The following MMUT variants were observed in gnomAD, a reference collection of about 807,000 sequenced individuals.
The protein encoded by MMUT is methylmalonyl-CoA mutase, mitochondrial.
In MMUT, 79 loss-of-function variants were observed where a neutral mutation model predicts 79.9. The observed-to-expected ratio is 0.99, with a 90% CI of 0.82 to 1.19. MMUT has a LOEUF of 1.19. Ranked by LOEUF, MMUT falls within the 50% of genes most tolerant of loss-of-function variation. The probability of loss-of-function intolerance (pLI) is 0.00; values close to 1 mark genes in which losing one functional copy is unlikely to be tolerated. For synonymous variants in MMUT, 273 were observed against 295.7 expected, an observed-to-expected ratio of 0.92 and a Z score of 0.79; for missense variants, 860 against 917.2, an observed-to-expected ratio of 0.94 and a Z score of 0.81.
At position 49,459,176 on chromosome 6, in the gene MMUT, A is replaced by G. The variant is rs752530461; in HGVS notation, c.291T>C (p.Pro97=). The G allele has an allele frequency of 1.5e-5, 25 of 1,614,080 alleles. No homozygotes were observed. In the South Asian group the frequency reaches 2.7e-4, roughly 18 times the overall value. ...TCCAGGGCCTAAAGGTATACATGGT[A>G]GGATATGGTCCACGTGTGAATGGCT... ...GVKPFTRGPY[P]TMYTFRPWTI... Residue 97 remains proline, a synonymous_variant, in exon 2 of 13, where the codon CCT becomes CCC. Transcript: ENST00000274813.
chr6:49,444,672 A>G lies in MMUT; in HGVS notation c.1643T>C (p.Ile548Thr). Residue 548 changes from isoleucine (I) to threonine (T), a missense_variant, in exon 9 of 13, where the codon ATC becomes ACC. Physicochemically the swap from Ile to Thr is moderately conservative, Grantham distance 89. Coordinates refer to ENST00000274813, the MANE Select transcript of MMUT (RefSeq NM_000255.4). ...AGATGCATCCACTGCAAGAGCCAGG[A>G]TATTTCCATCTCCGCTAGCAGCACA... ...TECAASGDGN[I>T]LALAVDASRA... is the part of the protein sequence containing the mutation. 2 of 1,613,432 alleles carry G rather than the reference A, an allele frequency of 1.2e-6. No individual in the cohort carries two copies. Among genetic ancestry groups the G allele is most frequent in the African/African-American group, 1.3e-5 (1 of 75,002 alleles).
At position 49,451,594 on chromosome 6, in the gene MMUT, C is replaced by T; in HGVS notation, c.1204G>A (p.Ala402Thr). 2 of 1,614,100 alleles carry T rather than the reference C, an allele frequency of 1.2e-6. No individual in the cohort carries two copies. The highest frequency in any genetic ancestry group is 1.7e-6 in the Non-Finnish European group (2 of 1,180,006). The part of the protein sequence containing the change: ...EALGLPTVKS[A>T]RIARNTQIII... The stretch of plus-strand genomic sequence containing the variant: ...ATTTGTGTGTTCCTGGCAATTCGAG[C>T]ACTTTTCACAGTTGGCAAACCCAAA... The change falls in exon 6 of 13, where the codon GCT becomes ACT. Residue 402 changes from alanine (A) to threonine (T), a missense_variant. Physicochemically the swap from Ala to Thr is moderately conservative, Grantham distance 58 (BLOSUM62 0). Coordinates refer to ENST00000274813, the MANE Select transcript of MMUT (RefSeq NM_000255.4).
chr6:49,447,256 G>A (rs1454110300), intron 8 of MMUT, among the ~76,000 whole-genome samples: 2 of 151,876 alleles, frequency 1.3e-5, no homozygotes, highest in Admixed American at 1.3e-4. Flanking sequence ...TCTGGTGAAA[G>A]AAATTACAAT....
At chr6:49,459,972 G>T (rs1405582985) in intron 1 of MMUT, among the ~76,000 whole-genome samples, 2 of 152,138 alleles carry the variant, frequency 1.3e-5, no homozygotes, top group African/African-American at 4.8e-5. Flanking sequence ...AGACAAACAG[G>T]CATTCAAGGC....
chr6:49,457,175 A>T (rs564583637), intron 3 of MMUT, among the ~76,000 whole-genome samples: 2 of 152,368 alleles, frequency 1.3e-5, no homozygotes, highest in South Asian at 4.1e-4. Flanking sequence ...AAATATAAAC[A>T]AATTGCTCAC....
intron 12 of MMUT, among the ~76,000 whole-genome samples, chr6:49,432,592 T>C (rs890929731): frequency 1.3e-5 from 2 of 152,136 alleles, no homozygotes; most frequent in African/African-American, 2.4e-5. Flanking sequence ...TTTCACCACG[T>C]TAGCCAGGAT....
In MMUT at chr6:49,448,875, C is replaced by A; in HGVS notation, c.1385G>T (p.Gly462Val). The A allele has an allele frequency of 6.2e-7, 1 of 1,613,632 alleles. No homozygotes were observed. The highest frequency in any genetic ancestry group is 8.5e-7 in the Non-Finnish European group (1 of 1,179,682). The part of the protein sequence containing the change: ...MGGMAKAVAE[G>V]IPKLRIEECA... Reference sequence around the variant, plus strand: ...TTCTTCAATTCGAAGTTTAGGTATTCCCTCAGCTACAGCTTTGGCCATTCC... The same window carrying A: ...TTCTTCAATTCGAAGTTTAGGTATTACCTCAGCTACAGCTTTGGCCATTCC... Residue 462 changes from glycine to valine, a missense_variant, in exon 7 of 13, where the codon GGA becomes GTA. Coordinates refer to ENST00000274813, the MANE Select transcript of MMUT (RefSeq NM_000255.4).
intron 12 of MMUT, among the ~76,000 whole-genome samples, chr6:49,432,609 A>G (rs949770278): frequency 1.3e-5 from 2 of 152,040 alleles, no homozygotes; most frequent in Non-Finnish European, 2.9e-5. Context: ...GGATGGTCTC[A>G]ATCTCCTGAC....
chr6:49,463,048 G>A (rs149691991), intron 1 of MMUT, 55 bp downstream of exon 1: 5 of 152,746 alleles, frequency 3.3e-5, no homozygotes, highest in African/African-American at 9.7e-5. Context: ...CAGGGGTAGA[G>A]GAGGGACAGG....
chr6:49,431,579 C>A lies in MMUT; in HGVS notation c.*149G>T. On this transcript the variant is annotated 3_prime_UTR_variant, in exon 13 of 13. Transcript: ENST00000274813. Reference sequence around the variant, plus strand: ...GTATGTACATACTTATAGCATGACACCAGGCCTATAAGTAAGGTATTTTAA... The same window carrying A: ...GTATGTACATACTTATAGCATGACAACAGGCCTATAAGTAAGGTATTTTAA... 1.3e-6 allele frequency: 1 copy of A among 754,700 alleles called. No homozygotes were observed. The highest frequency in any genetic ancestry group is 2.8e-5 in the East Asian group (1 of 35,336). The allele number at this position is 754,700 out of a possible 1,614,324, so 46.8% of individuals were successfully genotyped here. A position where few individuals can be genotyped will look rare whatever the true frequency, so the allele number is the denominator to read the frequency against.
chr6:49,438,574 T>G (rs1392649216), intron 11 of MMUT, among the ~76,000 whole-genome samples: 1 of 152,154 alleles, frequency 6.6e-6, no homozygotes, highest in African/African-American at 2.4e-5. Context: ...AAAGATTAAT[T>G]ATATTTTATT....
chr6:49,432,589 A>G (rs901126371), intron 12 of MMUT, among the ~76,000 whole-genome samples: 2 of 152,230 alleles, frequency 1.3e-5, no homozygotes, highest in East Asian at 1.9e-4. Flanking sequence ...GGGTTTCACC[A>G]CGTTAGCCAG....
At chr6:49,445,661 T>C (rs1032377937) in intron 8 of MMUT, among the ~76,000 whole-genome samples, 1 of 152,094 alleles carries the variant, frequency 6.6e-6, no homozygotes. Context: ...GTAAATACTA[T>C]ATAAATAGTT....
chr6:49,456,129 A>C lies in MMUT; in HGVS notation c.862T>G (p.Ser288Ala), dbSNP rs1179778233. 1.2e-6 allele frequency: 2 copies of C among 1,613,252 alleles called. No homozygotes were observed. The highest frequency in any genetic ancestry group is 2.7e-5 in the African/African-American group (2 of 74,916). ...AYTLADGLEY[S>A]RTGLQAGLTI... ...AGGCCAGCCTGGAGTCCAGTTCTAG[A>C]GTACTCCAATCCATCTGCTAAAGTA... Residue 288 changes from serine (S) to alanine (A), a missense_variant, in exon 4 of 13, where the codon TCT becomes GCT. By Grantham distance (99) the Ser-to-Ala change is moderately conservative (BLOSUM62 1). Coordinates refer to ENST00000274813, the MANE Select transcript of MMUT (RefSeq NM_000255.4).
rs770139557 is a variant in MMUT at position 49,453,737 on chromosome 6, T to C, written c.931A>G (p.Ile311Val). Residue 311 changes from isoleucine to valine, a missense_variant, in exon 5 of 13, where the codon ATT becomes GTT. Physicochemically the swap from Ile to Val is conservative, Grantham distance 29. Coordinates refer to ENST00000274813, the MANE Select transcript of MMUT (RefSeq NM_000255.4). ...FAPRLSFFWG[I>V]GMNFYMEIAK... Reference sequence around the variant, plus strand: ...ATTTCCATATAGAAATTCATTCCAATTCCCCAGAAGAAAGACAACCTAAAA... The same window carrying C: ...ATTTCCATATAGAAATTCATTCCAACTCCCCAGAAGAAAGACAACCTAAAA... The C allele has an allele frequency of 1.9e-6, 3 of 1,612,750 alleles. No homozygotes were observed. In the South Asian group the frequency reaches 3.3e-5, roughly 18 times the overall value.
At position 49,435,480 on chromosome 6, in the gene MMUT, CAT is replaced by C. The variant is rs1767096752; in HGVS notation, c.2098_2099del (p.Met700ValfsTer11). The stretch of plus-strand genomic sequence containing the variant: ...CCTGAGGTGGTATCACCCCTCCACA[CAT>C]GACAAGAATATCTGGCCGTCCAAGG... ...NSLGRPDILV[M>X]CGGVIPPQDY... On this transcript the variant is annotated frameshift_variant, in exon 12 of 13. Coordinates refer to ENST00000274813, the MANE Select transcript of MMUT (RefSeq NM_000255.4). LOFTEE classifies it high-confidence loss of function. 1 of 1,614,114 alleles carries C rather than the reference CAT, an allele frequency of 6.2e-7. No individual in the cohort carries two copies. The highest frequency in any genetic ancestry group is 2.2e-5 in the East Asian group (1 of 44,874).
At chr6:49,435,732 A>AG (rs1767105861) in intron 11 of MMUT, 109 bp from the exon 12 acceptor site, 13 of 1,154,116 alleles carry the variant, frequency 1.1e-5, no homozygotes, top group Non-Finnish European at 1.6e-5. Context: ...TAATGGGCAA[A>AG]GACTTCATGA....
chr6:49,434,154 T>C (rs1283420890), intron 12 of MMUT, among the ~76,000 whole-genome samples: 2 of 152,126 alleles, frequency 1.3e-5, no homozygotes, highest in Non-Finnish European at 2.9e-5. Flanking sequence ...ACTCTAAAAC[T>C]GCAACGCTGA....
intron 8 of MMUT, among the ~76,000 whole-genome samples, chr6:49,445,260 G>A (rs560622459): frequency 6.6e-6 from 1 of 152,178 alleles, no homozygotes; most frequent in Admixed American, 6.6e-5. Flanking sequence ...GAGCGAAAGA[G>A]GGACTAAGAA....
Sources: gnomAD v4.1 joint callset for allele counts (sites outside exome capture counted in the v4.1 genomes callset) on GRCh38, gnomAD v4.1.1 for gene constraint, MANE v1.5 for transcripts, NCBI Gene and HGNC (gene_info 2026-07-23, HGNC 2026-07-21) for gene names.